Variants in PPP2CB observed in about 807,000 individuals in gnomAD.
The protein encoded by PPP2CB is protein phosphatase 2 catalytic subunit beta.
In PPP2CB, 18 loss-of-function variants were observed where a neutral mutation model predicts 39.1. The ratio of observed to expected loss-of-function variants is 0.46; its 90% CI spans 0.32 to 0.68. PPP2CB has a LOEUF of 0.68. Ranked by LOEUF, PPP2CB falls within the 30% of genes least tolerant of loss-of-function variation. The probability of loss-of-function intolerance (pLI) is 0.04; values close to 1 mark genes in which losing one functional copy is unlikely to be tolerated. For missense variants in PPP2CB, 226 were observed against 396.9 expected (o/e 0.57, Z 3.66); for synonymous variants, 129 against 133.8 (o/e 0.96, Z 0.25).
At chr8:30,787,246 CT>C (rs1806358936) in intron 6 of PPP2CB, among the ~76,000 whole-genome samples, 1 of 152,178 alleles carries the variant, frequency 6.6e-6, no homozygotes, top group South Asian at 2.1e-4. Context: ...CCTTTGTCTA[CT>C]TTTGGTATCA....
At chr8:30,799,369 T>A (rs1806580492) in intron 2 of PPP2CB, among the ~76,000 whole-genome samples, 177 bp downstream of exon 2, 1 of 152,212 alleles carries the variant, frequency 6.6e-6, no homozygotes, top group African/African-American at 2.4e-5. Flanking sequence ...GATACATTTA[T>A]CGGGAATACA....
intron 6 of PPP2CB, among the ~76,000 whole-genome samples, chr8:30,786,838 AT>A (rs113733552): frequency 1.3e-5 from 2 of 149,244 alleles, no homozygotes; most frequent in Non-Finnish European, 3.0e-5. Context: ...TAATTTTCTT[AT>A]TTTTTTTTAG....
intron 6 of PPP2CB, among the ~76,000 whole-genome samples, chr8:30,789,345 A>C (rs1806393252): frequency 6.6e-6 from 1 of 152,080 alleles, no homozygotes; most frequent in African/African-American, 2.4e-5. Context: ...TACTTCTTTT[A>C]ATCTTTCACA....
chr8:30,807,162 A>C (rs1205564703), intron 1 of PPP2CB, among the ~76,000 whole-genome samples: 2 of 152,198 alleles, frequency 1.3e-5, no homozygotes, highest in Non-Finnish European at 2.9e-5. Context: ...CTATTTTATC[A>C]CTGCATTTTA....
At chr8:30,805,508 C>T (rs562598377) in intron 1 of PPP2CB, among the ~76,000 whole-genome samples, 188 of 152,040 alleles carry the variant, frequency 1.2e-3, no homozygotes, top group African/African-American at 4.1e-3. Context: ...TGCAGTGAAC[C>T]GAGATGGCAC....
At position 30,812,563 on chromosome 8, in the gene PPP2CB, C is replaced by T. The variant is rs1806860249; in HGVS notation, c.-142G>A. On this transcript the variant is annotated 5_prime_UTR_variant, in exon 1 of 7. Transcript: ENST00000221138. ...CAGGTCCCACAGGGGGAGGACTGAG[C>T]CGGGTAGGGCGGCCGCGGGCCCCGC... 6.8e-6 allele frequency: 3 copies of T among 441,566 alleles called. No individual in the cohort carries two copies. Among genetic ancestry groups the T allele is most frequent in the Non-Finnish European group, 1.1e-5 (3 of 278,822 alleles). 27.4% of individuals were successfully genotyped at this position (441,566 alleles called of 1,614,324 possible).
chr8:30,806,943 C>T (rs1331154240), intron 1 of PPP2CB, among the ~76,000 whole-genome samples: 2 of 152,052 alleles, frequency 1.3e-5, no homozygotes, highest in African/African-American at 2.4e-5. Flanking sequence ...ATATTTGACA[C>T]GTCATATATA....
chr8:30,796,633 C>T (rs994944713), intron 3 of PPP2CB, among the ~76,000 whole-genome samples: 1 of 152,144 alleles, frequency 6.6e-6, no homozygotes. Context: ...AGGTGATCCA[C>T]CCACCTTGGC....
intron 1 of PPP2CB, among the ~76,000 whole-genome samples, chr8:30,811,131 T>G (rs557347508): frequency 6.6e-6 from 1 of 152,292 alleles, no homozygotes; most frequent in South Asian, 2.1e-4. Flanking sequence ...TTTCAGGGGT[T>G]AAGAAAACAA....
chr8:30,803,244 A>G (rs1291631093), intron 1 of PPP2CB, among the ~76,000 whole-genome samples: 1 of 151,992 alleles, frequency 6.6e-6, no homozygotes, highest in Non-Finnish European at 1.5e-5. Context: ...ATTTCATGAC[A>G]CTGAAAGCAC....
At chr8:30,789,426 C>G (rs1806394974) in intron 6 of PPP2CB, among the ~76,000 whole-genome samples, 2 of 152,198 alleles carry the variant, frequency 1.3e-5, no homozygotes, top group Admixed American at 1.3e-4. Context: ...ACTTAAGCCC[C>G]CTTGGCCAGT....
Position 30,812,634 on chromosome 8 carries a change from G to A in PPP2CB, c.-213C>T, listed in dbSNP as rs1328130320. 1.3e-5 allele frequency: 5 copies of A among 384,964 alleles called. No individual in the cohort carries two copies. Among genetic ancestry groups the A allele is most frequent in the East Asian group, 6.2e-5 (1 of 16,136 alleles). The allele number at this position is 384,964 out of a possible 1,614,324, so 23.8% of individuals were successfully genotyped here. On this transcript the variant is annotated 5_prime_UTR_variant, in exon 1 of 7. Transcript: ENST00000221138. ...GCGGCTCCGAGCGCGCAGCCTGGAG[G>A]AGACCCCCGCCCGCCCTTCCCCGCC...
intron 1 of PPP2CB, among the ~76,000 whole-genome samples, chr8:30,807,666 C>T (rs958547299): frequency 2.6e-5 from 4 of 152,300 alleles, no homozygotes; most frequent in Admixed American, 6.5e-5. Context: ...GGTCAAAGAG[C>T]TTAAAATTTT....
chr8:30,809,658 G>A (rs1013799840), intron 1 of PPP2CB, among the ~76,000 whole-genome samples: 1 of 152,100 alleles, frequency 6.6e-6, no homozygotes, highest in African/African-American at 2.4e-5. Flanking sequence ...AAAAAAAAAT[G>A]GGCTAGGAGT....
At chr8:30,800,124 T>C (rs1806595553) in intron 1 of PPP2CB, among the ~76,000 whole-genome samples, 1 of 152,360 alleles carries the variant, frequency 6.6e-6, no homozygotes, top group Admixed American at 6.5e-5. Context: ...CATGGCAGCA[T>C]TATTAATAAC....
At chr8:30,794,857 TA>T (rs1384634324) in intron 3 of PPP2CB, among the ~76,000 whole-genome samples, 1 of 152,244 alleles carries the variant, frequency 6.6e-6, no homozygotes, top group Non-Finnish European at 1.5e-5. Context: ...CTGGCTACAA[TA>T]AATTTTCAGT....
chr8:30,797,528 C>A, intron 3 of PPP2CB, 53 bp downstream of exon 3: 1 of 1,494,884 alleles, frequency 6.7e-7, no homozygotes, highest in South Asian at 1.3e-5. Context: ...TACCAATAGT[C>A]AATCTCTGCT....
chr8:30,809,749 T>C (rs1391180520), intron 1 of PPP2CB, among the ~76,000 whole-genome samples: 2 of 152,124 alleles, frequency 1.3e-5, no homozygotes, highest in Non-Finnish European at 2.9e-5. Flanking sequence ...GAGACCAGCC[T>C]GGGCAACACG....
intron 1 of PPP2CB, among the ~76,000 whole-genome samples, chr8:30,811,046 G>T (rs1300478105): frequency 6.6e-6 from 1 of 152,106 alleles, no homozygotes. Flanking sequence ...AAAAATACAT[G>T]AAAATTATTT....
Sources: gnomAD v4.1 joint callset for allele counts (sites outside exome capture counted in the v4.1 genomes callset) on GRCh38, gnomAD v4.1.1 for gene constraint, MANE v1.5 for transcripts, NCBI Gene and HGNC (gene_info 2026-07-23, HGNC 2026-07-21) for gene names.